The following RHBDL3 variants were observed in gnomAD, a reference collection of about 807,000 sequenced individuals.
RHBDL3 encodes the protein rhomboid-related protein 3.
In RHBDL3, 28 loss-of-function variants were observed where a neutral mutation model predicts 48.2. That is an observed-to-expected ratio of 0.58 (90% confidence interval 0.43 to 0.80). The LOEUF is 0.80. RHBDL3 is among the 30% of genes least tolerant of loss of function. The pLI is 0.00. For missense variants in RHBDL3, 464 were observed against 542.7 expected (o/e 0.85, Z 1.44); for synonymous variants, 208 against 232.3 (o/e 0.90, Z 0.95).
chr17:32,310,573 C>T lies in RHBDL3; in HGVS notation c.882+5132C>T, dbSNP rs189049811. On this transcript the variant is annotated intron_variant, in intron 7 of 8. Coordinates refer to ENST00000269051, the MANE Select transcript of RHBDL3 (RefSeq NM_138328.3). Reference sequence around the variant, plus strand: ...ACTAAAAATACAAAAATTAGGTGGGCGTGGTGGCAGGTGCCTGTAGTCCCA... The same window carrying T: ...ACTAAAAATACAAAAATTAGGTGGGTGTGGTGGCAGGTGCCTGTAGTCCCA... Among the ~76,000 whole-genome samples the T allele has an allele frequency of 1.5e-3, 230 of 152,180 alleles. 1 individual carries two copies. In the East Asian group the frequency reaches 0.018, roughly 12 times the overall value.
chr17:32,313,176 T>G (rs1355520007), intron 7 of RHBDL3, among the ~76,000 whole-genome samples: 13 of 151,944 alleles, frequency 8.6e-5, no homozygotes, highest in African/African-American at 3.1e-4. Flanking sequence ...GACAACATAG[T>G]GAAGTTCCAT....
intron 4 of RHBDL3, 24 bp from the exon 5 acceptor site, chr17:32,294,270 A>G: frequency 6.2e-7 from 1 of 1,610,276 alleles, no homozygotes; most frequent in Non-Finnish European, 8.5e-7. Context: ...GCACCTAGTA[A>G]CAGACTCTCT....
intron 2 of RHBDL3, among the ~76,000 whole-genome samples, chr17:32,282,593 A>C (rs563894903): frequency 6.6e-6 from 1 of 152,100 alleles, no homozygotes; most frequent in Non-Finnish European, 1.5e-5. Flanking sequence ...ACCTCATTGG[A>C]GATGTCCTTT....
chr17:32,267,599 A>T, intron 1 of RHBDL3: 1 of 215,148 alleles, frequency 4.6e-6, no homozygotes, highest in Non-Finnish European at 7.9e-6. Flanking sequence ...GCCTTTATTT[A>T]GTAATTGTTG....
intron 7 of RHBDL3, among the ~76,000 whole-genome samples, chr17:32,306,073 C>T (rs912706251): frequency 2.0e-5 from 3 of 152,178 alleles, no homozygotes; most frequent in Admixed American, 1.3e-4. Flanking sequence ...TCCAAAGTCA[C>T]AGTCAAGTTT....
chr17:32,269,769 GTGTC>G lies in RHBDL3; in HGVS notation c.135+1846_135+1849del, dbSNP rs548508560. On this transcript the variant is annotated intron_variant, in intron 2 of 8. Transcript: ENST00000269051. ...TATCATTCTTTTTTTTTCTCTGTCT[GTGTC>G]TATCTTTTTCATTTGATTAATTTCC... Among the ~76,000 whole-genome samples, 294 of 152,212 alleles carry G rather than the reference GTGTC, an allele frequency of 1.9e-3. 1 individual carries two copies. The highest frequency in any genetic ancestry group is 6.5e-3 in the African/African-American group (268 of 41,534).
intron 2 of RHBDL3, among the ~76,000 whole-genome samples, chr17:32,278,190 C>T (rs1313740527): frequency 1.3e-5 from 2 of 151,970 alleles, no homozygotes; most frequent in Non-Finnish European, 2.9e-5. Context: ...CCCAGCTACT[C>T]GGGAGGCTGA....
intron 7 of RHBDL3, among the ~76,000 whole-genome samples, chr17:32,314,690 A>G (rs2040928515): frequency 6.6e-6 from 1 of 152,172 alleles, no homozygotes. Flanking sequence ...GAGATGTCCC[A>G]TTAGATGATT....
chr17:32,315,993 T>C (rs923951431), intron 7 of RHBDL3, among the ~76,000 whole-genome samples: 2 of 152,020 alleles, frequency 1.3e-5, no homozygotes, highest in East Asian at 3.9e-4. Flanking sequence ...GGGCCTCTCC[T>C]CTTCCTAGAT....
At position 32,294,281 on chromosome 17, in the gene RHBDL3, CTCTT is replaced by C. The variant is rs751997428; in HGVS notation, c.520-12_520-9del. On this transcript the variant is annotated splice_polypyrimidine_tract_variant and intron_variant, in intron 4 of 8. Transcript: ENST00000269051. The stretch of plus-strand genomic sequence containing the variant: ...GTGTGCACCTAGTAACAGACTCTCT[CTCTT>C]CTGTCCAGGTTGCCTTTTTCCTCTA... The C allele has an allele frequency of 8.7e-6, 14 of 1,612,056 alleles. No individual in the cohort carries two copies. The highest frequency in any genetic ancestry group is 1.2e-5 in the Non-Finnish European group (14 of 1,178,988).
chr17:32,278,700 C>A (rs1386713381), intron 2 of RHBDL3, among the ~76,000 whole-genome samples: 1 of 152,150 alleles, frequency 6.6e-6, no homozygotes, highest in Non-Finnish European at 1.5e-5. Flanking sequence ...GCTCTTGGTG[C>A]CTTGGTTTCC....
At chr17:32,266,449 C>A in intron 1 of RHBDL3, 149 bp downstream of exon 1, 1 of 437,600 alleles carries the variant, frequency 2.3e-6, no homozygotes, top group Non-Finnish European at 4.1e-6. Context: ...CAGGAGGGGG[C>A]GGAGGGACCG....
chr17:32,275,461 G>A, intron 2 of RHBDL3, among the ~76,000 whole-genome samples: 1 of 152,210 alleles, frequency 6.6e-6, no homozygotes, highest in Non-Finnish European at 1.5e-5. Flanking sequence ...AGTCCCCCAG[G>A]GGCGGGAAGG....
Position 32,324,514 on chromosome 17 carries a change from C to T in RHBDL3, c.*3285C>T, listed in dbSNP as rs1221997665. 6.6e-6 allele frequency: 1 copy of T among 152,662 alleles called. No individual in the cohort carries two copies. The highest frequency in any genetic ancestry group is 2.4e-5 in the African/African-American group (1 of 41,452). The allele number at this position is 152,662 out of a possible 1,614,324, so 9.5% of individuals were successfully genotyped here. ...CAGTGCCCAACAGTGAACTGCCCCT[C>T]CGAGGACTTGAGTAAGTGGAAAAAA... is the stretch of plus-strand genomic sequence containing the variant. On this transcript the variant is annotated 3_prime_UTR_variant, in exon 9 of 9. Coordinates refer to ENST00000269051, the MANE Select transcript of RHBDL3 (RefSeq NM_138328.3).
chr17:32,290,093 G>A (rs2040292256), intron 4 of RHBDL3, among the ~76,000 whole-genome samples: 1 of 152,162 alleles, frequency 6.6e-6, no homozygotes, highest in African/African-American at 2.4e-5. Context: ...TTGGAAGCAG[G>A]ATTTGCTACC....
chr17:32,300,677 A>C (rs937607132), intron 6 of RHBDL3, among the ~76,000 whole-genome samples: 1 of 152,188 alleles, frequency 6.6e-6, no homozygotes, highest in South Asian at 2.1e-4. Flanking sequence ...GCTAACCTCT[A>C]TGGGGCATAT....
chr17:32,269,532 G>A (rs971108925), intron 2 of RHBDL3, among the ~76,000 whole-genome samples: 1 of 152,218 alleles, frequency 6.6e-6, no homozygotes, highest in Non-Finnish European at 1.5e-5. Flanking sequence ...CATTAACCAC[G>A]AGGTCTGGCT....
chr17:32,309,060 AC>A (rs2040776472), intron 7 of RHBDL3, among the ~76,000 whole-genome samples: 1 of 140,788 alleles, frequency 7.1e-6, no homozygotes, highest in Non-Finnish European at 1.6e-5. Context: ...AGAGAGAGAG[AC>A]CCTGTCTCAA....
At chr17:32,267,590 C>A (rs1177860776) in intron 1 of RHBDL3, 2 of 188,596 alleles carry the variant, frequency 1.1e-5, no homozygotes, top group Admixed American at 6.5e-5. Context: ...TATTTGGACG[C>A]CTTTATTTAG....
Sources: gnomAD v4.1 joint callset for allele counts (sites outside exome capture counted in the v4.1 genomes callset) on GRCh38, gnomAD v4.1.1 for gene constraint, MANE v1.5 for transcripts, NCBI Gene and HGNC (gene_info 2026-07-23, HGNC 2026-07-21) for gene names.